The following FILIP1L variants were observed in gnomAD, a reference collection of about 807,000 sequenced individuals.
FILIP1L encodes filamin A interacting protein 1 like.
In FILIP1L, 55 loss-of-function variants were observed where a neutral mutation model predicts 96.6. The observed-to-expected ratio is 0.57, with a 90% CI of 0.46 to 0.71. The LOEUF is 0.71. FILIP1L is among the 30% of genes least tolerant of loss of function. The pLI, the probability that FILIP1L is intolerant of heterozygous loss-of-function variation, is 0.00. For missense variants in FILIP1L, 1,304 were observed against 1,321.2 expected, an observed-to-expected ratio of 0.99 and a Z score of 0.20; for synonymous variants, 467 against 473.9, an observed-to-expected ratio of 0.99 and a Z score of 0.19.
chr3:100,071,151 A>G (rs983330214), intron 1 of FILIP1L, among the ~76,000 whole-genome samples: 35 of 48,772 alleles, frequency 7.2e-4, no homozygotes, highest in African/African-American at 2.8e-3. Context: ...TTAAGTTCTT[A>G]TAATTACCCC....
intron 1 of FILIP1L, among the ~76,000 whole-genome samples, chr3:100,014,119 A>G (rs1576641474): frequency 6.6e-6 from 1 of 151,406 alleles, no homozygotes; most frequent in East Asian, 1.9e-4. Context: ...AATGTCCTCC[A>G]GGTTCATCCA....
At chr3:99,975,460 C>T (rs1054192906) in intron 1 of FILIP1L, among the ~76,000 whole-genome samples, 6 of 151,920 alleles carry the variant, frequency 3.9e-5, no homozygotes, top group East Asian at 1.9e-4. Context: ...AGTATGGTGG[C>T]GGGCGCCTGT....
intron 1 of FILIP1L, among the ~76,000 whole-genome samples, chr3:100,008,069 A>G (rs1710039557): frequency 6.6e-6 from 1 of 152,132 alleles, no homozygotes; most frequent in Non-Finnish European, 1.5e-5. Flanking sequence ...TTGACATAAC[A>G]TTTTCCACCT....
rs1279071590 is a variant in FILIP1L, at chr3:99,849,564, C to G, written c.2112G>C (p.Arg704Ser). The change falls in exon 5 of 6, where the codon AGG becomes AGC. Residue 704 changes from arginine to serine, a missense_variant. Coordinates refer to ENST00000477258, the MANE Select transcript of FILIP1L (RefSeq NM_001387850.1). ...CTGACTTAGCTTCTTCTTCTTGAAGCCTTTTGAAAAGCCATTGTTCATGGC... is the reference window on the plus strand; with the variant it reads ...CTGACTTAGCTTCTTCTTCTTGAAGGCTTTTGAAAAGCCATTGTTCATGGC... ...ETSHEQWLFK[R>S]LQEEEAKSGH... The G allele has an allele frequency of 1.9e-6, 3 of 1,613,440 alleles. No homozygotes were observed. Among genetic ancestry groups the G allele is most frequent in the East Asian group, 4.5e-5 (2 of 44,870 alleles).
intron 1 of FILIP1L, among the ~76,000 whole-genome samples, chr3:100,017,096 T>G (rs1710367024): frequency 6.6e-6 from 1 of 152,266 alleles, no homozygotes; most frequent in African/African-American, 2.4e-5. Context: ...CACCTCATTT[T>G]GATATTTTTC....
At chr3:100,107,653 G>A (rs1469105275) in intron 1 of FILIP1L, among the ~76,000 whole-genome samples, 1 of 152,030 alleles carries the variant, frequency 6.6e-6, no homozygotes, top group Non-Finnish European at 1.5e-5. Flanking sequence ...TTTAAAAGGA[G>A]TAATTTAACG....
intron 1 of FILIP1L, among the ~76,000 whole-genome samples, chr3:99,956,089 T>C (rs1328878620): frequency 6.6e-6 from 1 of 152,184 alleles, no homozygotes; most frequent in African/African-American, 2.4e-5. Flanking sequence ...ATGGGTCCTG[T>C]CAATAATAGA....
chr3:100,100,443 G>A (rs1383804853), intron 1 of FILIP1L, among the ~76,000 whole-genome samples: 2 of 152,076 alleles, frequency 1.3e-5, no homozygotes, highest in Non-Finnish European at 2.9e-5. Context: ...TACAGATTAG[G>A]TCATAAGGCA....
intron 1 of FILIP1L, among the ~76,000 whole-genome samples, chr3:100,089,320 C>T (rs1215926415): frequency 6.6e-6 from 1 of 152,150 alleles, no homozygotes; most frequent in East Asian, 1.9e-4. Flanking sequence ...TATTACTACA[C>T]GCATATCCAC....
chr3:100,051,985 T>A (rs1472492691), intron 1 of FILIP1L, among the ~76,000 whole-genome samples: 1 of 150,496 alleles, frequency 6.6e-6, no homozygotes, highest in East Asian at 1.9e-4. Flanking sequence ...TAAATATAAA[T>A]GTGATAAATA....
At chr3:99,885,275 A>G (rs1559675788) in intron 4 of FILIP1L, among the ~76,000 whole-genome samples, 1 of 152,222 alleles carries the variant, frequency 6.6e-6, no homozygotes, top group Non-Finnish European at 1.5e-5. Context: ...GGATGCTTGT[A>G]GGGCTATTTC....
intron 5 of FILIP1L, chr3:99,848,067 A>G (rs1943447880): frequency 3.1e-6 from 4 of 1,306,904 alleles, no homozygotes; most frequent in East Asian, 2.9e-5. Flanking sequence ...TTTTCCATAC[A>G]AGTATGTAAA....
chr3:99,989,106 G>A (rs1248158080), intron 1 of FILIP1L, among the ~76,000 whole-genome samples: 4 of 152,132 alleles, frequency 2.6e-5, no homozygotes. Context: ...AGTTCATAGG[G>A]TGCTTTCATA....
chr3:99,946,430 T>C (rs534118917), intron 1 of FILIP1L, among the ~76,000 whole-genome samples: 29 of 152,354 alleles, frequency 1.9e-4, no homozygotes, highest in African/African-American at 7.0e-4. Flanking sequence ...TCTGTGTGGC[T>C]GCTAAACAAA....
intron 3 of FILIP1L, among the ~76,000 whole-genome samples, chr3:99,925,560 G>A (rs952482085): frequency 6.6e-6 from 1 of 150,388 alleles, no homozygotes; most frequent in Non-Finnish European, 1.5e-5. Context: ...CAGCATGTGG[G>A]ACACTTCCAG....
intron 4 of FILIP1L, among the ~76,000 whole-genome samples, chr3:99,888,860 T>C (rs1289895993): frequency 6.6e-6 from 1 of 152,228 alleles, no homozygotes; most frequent in African/African-American, 2.4e-5. Context: ...TCCATGATCT[T>C]ATTGGGCTTT....
chr3:100,021,948 TGTGTGTGTGTGTGAGAGAGAGA>T (rs2064827661), intron 1 of FILIP1L, among the ~76,000 whole-genome samples: 1 of 129,566 alleles, frequency 7.7e-6, no homozygotes, highest in East Asian at 2.3e-4. Flanking sequence ...TGTGTGTGTG[TGTGTGTGTGTGTGAGAGAGAGA>T]GAGAGAGAGA....
At chr3:99,881,753 G>A (rs571654006) in intron 4 of FILIP1L, among the ~76,000 whole-genome samples, 72 of 152,166 alleles carry the variant, frequency 4.7e-4, no homozygotes, top group African/African-American at 1.6e-3. Flanking sequence ...GGCTGGTCTC[G>A]AACTCCTGAC....
intron 1 of FILIP1L, among the ~76,000 whole-genome samples, chr3:100,098,328 T>C (rs1157227860): frequency 6.6e-6 from 1 of 152,240 alleles, no homozygotes; most frequent in African/African-American, 2.4e-5. Flanking sequence ...TATATTTGAA[T>C]GCCATTTCCA....
Sources: gnomAD v4.1 joint callset for allele counts (sites outside exome capture counted in the v4.1 genomes callset) on GRCh38, gnomAD v4.1.1 for gene constraint, MANE v1.5 for transcripts, NCBI Gene and HGNC (gene_info 2026-07-23, HGNC 2026-07-21) for gene names.